Variants in ZNF324B observed in about 807,000 individuals in gnomAD.
ZNF324B encodes the protein zinc finger protein 324B.
In ZNF324B, 7 loss-of-function variants were observed where a neutral mutation model predicts 10.6. That is an observed-to-expected ratio of 0.66 (90% CI 0.38 to 1.24). ZNF324B has a LOEUF of 1.24. Among genes scored for constraint, ZNF324B ranks in the 50% most tolerant of loss-of-function variants. The pLI is 0.02. For synonymous variants in ZNF324B, 316 were observed against 321.0 expected (o/e 0.98, Z 0.17); for missense variants, 640 against 764.7 (o/e 0.84, Z 1.92).
chr19:58,436,782 ATC>A, the ZNF324B span: 1 of 571,220 alleles, frequency 1.8e-6, no homozygotes, highest in South Asian at 1.7e-5. Flanking sequence ...TCTCAGTGGG[ATC>A]TGTTAGGCAG....
the ZNF324B span, among the ~76,000 whole-genome samples, chr19:58,426,491 A>C: frequency 6.6e-6 from 1 of 152,232 alleles, no homozygotes; most frequent in Admixed American, 6.5e-5. Flanking sequence ...CCCAGATCGC[A>C]CAATTTATTA....
chr19:58,421,030 A>G, the ZNF324B span, among the ~76,000 whole-genome samples: 1 of 149,956 alleles, frequency 6.7e-6, no homozygotes, highest in Non-Finnish European at 1.5e-5. Flanking sequence ...AAGACATACG[A>G]GATGCTAAAT....
At chr19:58,434,534 A>T in the ZNF324B span, 6 of 1,614,076 alleles carry the variant, frequency 3.7e-6, no homozygotes, top group Non-Finnish European at 5.1e-6. Context: ...CTCAGCTTAG[A>T]TGAGTGACTA....
the ZNF324B span, among the ~76,000 whole-genome samples, chr19:58,427,377 T>TCTCTTTC: frequency 2.4e-4 from 11 of 45,938 alleles, no homozygotes; most frequent in East Asian, 1.0e-3. Context: ...TTTCTTTCTT[T>TCTCTTTC]CTTTCTTTCT....
chr19:58,451,783 G>C (rs2122338466), intron 1 of ZNF324B, 79 bp downstream of exon 1: 1 of 314,306 alleles, frequency 3.2e-6, no homozygotes, highest in East Asian at 1.4e-4. Flanking sequence ...GGGGCGGTCG[G>C]GCCCCGGCGG....
At chr19:58,434,925 G>C in the ZNF324B span, 2 of 1,614,138 alleles carry the variant, frequency 1.2e-6, no homozygotes, top group Non-Finnish European at 1.7e-6. Flanking sequence ...CCCTGTCCTT[G>C]TACCATCTAA....
upstream of ZNF324B, among the ~76,000 whole-genome samples, chr19:58,451,412 G>C (rs1372542100): frequency 6.6e-6 from 1 of 152,272 alleles, no homozygotes; most frequent in African/African-American, 2.4e-5. Context: ...CAGTGCCACG[G>C]AGCCCTTGGA....
the ZNF324B span, chr19:58,431,057 A>C: frequency 1.3e-5 from 2 of 152,230 alleles, no homozygotes; most frequent in Non-Finnish European, 2.9e-5. Flanking sequence ...CTGGCCCTTG[A>C]GTCCTCTCAC....
At chr19:58,439,681 A>C in the ZNF324B span, 207 of 1,425,668 alleles carry the variant, frequency 1.5e-4, 1 homozygote, top group East Asian at 5.7e-3. Flanking sequence ...CAGGACACCA[A>C]CATCCCCTCT....
At chr19:58,454,146 C>A (rs2122353058) in intron 2 of ZNF324B, 82 bp from the exon 3 acceptor site, 1 of 915,136 alleles carries the variant, frequency 1.1e-6, no homozygotes, top group African/African-American at 1.6e-5. Context: ...TGTCTATTTC[C>A]ATGAAGCCCT....
At chr19:58,451,219 G>A (rs762663600), upstream of ZNF324B, among the ~76,000 whole-genome samples, 4 of 152,128 alleles carry the variant, frequency 2.6e-5, no homozygotes, top group Non-Finnish European at 4.4e-5. Context: ...CCAGGCATCT[G>A]CTCCTCCACC....
At chr19:58,451,451 C>G (rs1234936709), upstream of ZNF324B, 4 of 337,752 alleles carry the variant, frequency 1.2e-5, no homozygotes, top group Non-Finnish European at 2.3e-5. Flanking sequence ...TACTCCATTT[C>G]CAGGCGCCCA....
chr19:58,436,865 G>A, the ZNF324B span: 1 of 851,446 alleles, frequency 1.2e-6, no homozygotes, highest in Non-Finnish European at 2.0e-6. Flanking sequence ...GAAAGCTCAT[G>A]AGGCTGCTCA....
At chr19:58,439,020 C>A in the ZNF324B span, among the ~76,000 whole-genome samples, 1 of 149,754 alleles carries the variant, frequency 6.7e-6, no homozygotes, top group Non-Finnish European at 1.5e-5. Flanking sequence ...GTGATCTGGC[C>A]GCCTTGGCCT....
upstream of ZNF324B, among the ~76,000 whole-genome samples, chr19:58,449,292 C>G (rs1434860088): frequency 6.6e-6 from 1 of 152,182 alleles, no homozygotes; most frequent in Non-Finnish European, 1.5e-5. Context: ...TTGGAGCAGG[C>G]AAAAGTTTGC....
the ZNF324B span, chr19:58,433,531 C>T: frequency 2.0e-5 from 32 of 1,614,068 alleles, no homozygotes; most frequent in East Asian, 6.0e-4. Flanking sequence ...GTGGGAGTTA[C>T]TGCTAAAGGC....
chr19:58,428,635 C>T, the ZNF324B span: 1 of 152,310 alleles, frequency 6.6e-6, no homozygotes, highest in Middle Eastern at 3.4e-3. Flanking sequence ...CCAGGGAGTC[C>T]ACAGGAAATC....
In ZNF324B at chr19:58,455,829, C is replaced by T. The variant is rs751541875; in HGVS notation, c.885C>T (p.Ser295=). 2 of 1,613,872 alleles carry T rather than the reference C, an allele frequency of 1.2e-6. No individual in the cohort carries two copies. The highest frequency in any genetic ancestry group is 1.3e-5 in the African/African-American group (1 of 74,944). Residue 295 remains serine, a synonymous_variant, in exon 4 of 4, where the codon AGC becomes AGT. Coordinates refer to ENST00000336614, the MANE Select transcript of ZNF324B (RefSeq NM_207395.3). The surrounding 1 kb of genome is among the most constrained non-coding windows in gnomAD (Gnocchi z 7.0). ...GCACCCAGTGCGGCAAGGCCTTCAG[C>T]CAGACGTCGCACTTGACGCAGCACC... ...YECTQCGKAF[S]QTSHLTQHQR... is the part of the protein sequence containing the mutation.
At chr19:58,437,626 T>C in the ZNF324B span, 1 of 876,370 alleles carries the variant, frequency 1.1e-6, no homozygotes, top group Non-Finnish European at 1.4e-6. Context: ...CTCTCACCTT[T>C]ACATGTCACT....
Sources: allele counts gnomAD v4.1 joint callset (sites outside exome capture counted in the v4.1 genomes callset), GRCh38; gene constraint gnomAD v4.1.1; non-coding constraint Gnocchi (gnomAD v3.1); transcripts MANE v1.5; gene names NCBI Gene and HGNC (gene_info 2026-07-23, HGNC 2026-07-21).